ARSG: variants seen among roughly 807,000 people sequenced by gnomAD.
ARSG encodes arylsulfatase G.
A neutral mutation model predicts 50.5 loss-of-function variants in ARSG; 37 were observed. That is an observed-to-expected ratio of 0.73 (90% confidence interval 0.56 to 0.96). The LOEUF is 0.96. Ranked by LOEUF, ARSG falls within the 50% of genes least tolerant of loss-of-function variation. The pLI, the probability that ARSG is intolerant of heterozygous loss-of-function variation, is 0.00. For synonymous variants in ARSG, 225 were observed against 254.6 expected, an observed-to-expected ratio of 0.88 and a Z score of 1.11; for missense variants, 629 against 675.3, an observed-to-expected ratio of 0.93 and a Z score of 0.76.
intron 1 of ARSG, chr17:68,283,112 G>A (rs1462675407): frequency 6.6e-6 from 1 of 152,006 alleles, no homozygotes; most frequent in African/African-American, 2.4e-5. Flanking sequence ...GAATGACAGA[G>A]CAAGACCCTG....
At chr17:68,344,065 G>C (rs760353449) in intron 3 of ARSG, among the ~76,000 whole-genome samples, 2 of 152,160 alleles carry the variant, frequency 1.3e-5, no homozygotes, top group Admixed American at 1.3e-4. Context: ...GCTCTCACTC[G>C]ATCTTTCTGC....
intron 2 of ARSG, among the ~76,000 whole-genome samples, chr17:68,323,815 G>A (rs782258143): frequency 2.6e-5 from 4 of 152,184 alleles, no homozygotes; most frequent in African/African-American, 4.8e-5. Context: ...GCTCATGCCT[G>A]TAATCCCAAC....
intron 1 of ARSG, among the ~76,000 whole-genome samples, chr17:68,277,207 C>T (rs2075551984): frequency 6.6e-6 from 1 of 151,972 alleles, no homozygotes; most frequent in Non-Finnish European, 1.5e-5. Context: ...TCTGGGCTTA[C>T]TGCAACCTCC....
intron 5 of ARSG, among the ~76,000 whole-genome samples, chr17:68,354,175 C>A (rs2078930687): frequency 6.6e-6 from 1 of 151,588 alleles, no homozygotes; most frequent in African/African-American, 2.4e-5. Flanking sequence ...AATCCCAGCA[C>A]TTTGGGAGGC....
intron 8 of ARSG, among the ~76,000 whole-genome samples, chr17:68,374,450 G>C (rs543230760): frequency 6.6e-6 from 1 of 152,302 alleles, no homozygotes; most frequent in East Asian, 1.9e-4. Context: ...CCTATCTGAG[G>C]ACTTGCCTTA....
At chr17:68,274,719 C>T (rs1555750335) in intron 1 of ARSG, among the ~76,000 whole-genome samples, 5 of 151,194 alleles carry the variant, frequency 3.3e-5, no homozygotes, top group Admixed American at 1.3e-4. Context: ...TATTTTTTCT[C>T]TACTCACTAC....
At chr17:68,324,070 C>CAA (rs57040262) in intron 2 of ARSG, among the ~76,000 whole-genome samples, 25,808 of 89,512 alleles carry the variant, frequency 0.29, 3,387 homozygotes, top group South Asian at 0.33. Flanking sequence ...AAAACTCCAT[C>CAA]AAAAAAAAAA....
chr17:68,262,110 T>C lies in ARSG; in HGVS notation c.-552+2684T>C, dbSNP rs1194055001. ...GGCGGAGGTTGCAGTGAGGCGAGAT[T>C]GTGCCATTGCACTCCAGCGTGGGTG... On this transcript the variant is annotated intron_variant, in intron 1 of 11. Transcript: ENST00000448504. 6.1e-5 allele frequency among the ~76,000 whole-genome samples: 9 copies of C among 148,398 alleles called. No homozygotes were observed. In the South Asian group the frequency reaches 1.7e-3, roughly 28 times the overall value.
chr17:68,311,505 C>G (rs1278684471), intron 2 of ARSG, among the ~76,000 whole-genome samples: 3 of 152,084 alleles, frequency 2.0e-5, no homozygotes, highest in Non-Finnish European at 2.9e-5. Flanking sequence ...AGGGTCTTTG[C>G]AAATGTTATT....
chr17:68,274,076 G>C (rs201913800), intron 1 of ARSG: 24 of 1,611,066 alleles, frequency 1.5e-5, no homozygotes, highest in Non-Finnish European at 2.0e-5. Context: ...GGGAGCTGCC[G>C]GGAAAGAACA....
chr17:68,404,508 C>T (rs932948992), intron 11 of ARSG, among the ~76,000 whole-genome samples: 26 of 152,136 alleles, frequency 1.7e-4, no homozygotes, highest in African/African-American at 6.3e-4. Context: ...AAGTGTTAAG[C>T]CAACTTTACA....
chr17:68,435,100 G>A, the ARSG span, among the ~76,000 whole-genome samples: 4 of 152,006 alleles, frequency 2.6e-5, no homozygotes, highest in South Asian at 2.1e-4. Flanking sequence ...TCAGCTACTC[G>A]GGAGGCTGAG....
At chr17:68,328,439 G>A (rs144427943) in intron 2 of ARSG, among the ~76,000 whole-genome samples, 73 of 152,256 alleles carry the variant, frequency 4.8e-4, no homozygotes, top group African/African-American at 1.3e-3. Context: ...AGTTGGGGTC[G>A]TATTTGGACC....
the ARSG span, chr17:68,433,363 C>A: frequency 1.8e-6 from 2 of 1,092,504 alleles, no homozygotes; most frequent in East Asian, 2.4e-5. Flanking sequence ...CAAGTGAAGC[C>A]AAGATTGGGT....
intron 11 of ARSG, among the ~76,000 whole-genome samples, chr17:68,408,157 G>A (rs1052201104): frequency 1.6e-4 from 24 of 151,608 alleles, no homozygotes; most frequent in African/African-American, 5.3e-4. Context: ...AAGTTTTAGG[G>A]TACATGCGCA....
intron 1 of ARSG, among the ~76,000 whole-genome samples, chr17:68,305,598 A>G (rs1036874834): frequency 1.3e-5 from 2 of 152,236 alleles, no homozygotes; most frequent in Admixed American, 6.5e-5. Context: ...GCTAGGATGC[A>G]AAGGGACACA....
In ARSG at chr17:68,334,749, G is replaced by A. The variant is rs537252273; in HGVS notation, c.219-8855G>A. 5.9e-5 allele frequency among the ~76,000 whole-genome samples: 9 copies of A among 152,256 alleles called. No individual in the cohort carries two copies. The East Asian group carries it at 1.5e-3, about 26-fold the overall frequency. On this transcript the variant is annotated intron_variant, in intron 2 of 11. Transcript: ENST00000621439. ...TCACCGGCCAGAGGACCTACAGACG[G>A]CCTCTGCAACGTGATGGTCTCTGGG...
intron 8 of ARSG, among the ~76,000 whole-genome samples, chr17:68,371,710 AT>A (rs1373550301): frequency 6.6e-6 from 1 of 152,186 alleles, no homozygotes; most frequent in Non-Finnish European, 1.5e-5. Context: ...ATTGCAGTGA[AT>A]TTTTTTCATA....
intron 5 of ARSG, among the ~76,000 whole-genome samples, chr17:68,354,468 G>A (rs2078946708): frequency 1.3e-5 from 2 of 151,668 alleles, no homozygotes; most frequent in South Asian, 4.2e-4. Flanking sequence ...ATAATGGGTG[G>A]CTTAGGAGAG....
Sources: allele counts gnomAD v4.1 joint callset (sites outside exome capture counted in the v4.1 genomes callset), GRCh38; gene constraint gnomAD v4.1.1; transcripts MANE v1.5; gene names NCBI Gene and HGNC (gene_info 2026-07-23, HGNC 2026-07-21).